Variants in DOCK6 observed in about 807,000 individuals in gnomAD.
DOCK6 encodes the protein dedicator of cytokinesis 6.
Under a neutral mutation model 230.3 loss-of-function variants are expected in DOCK6, and 167 were observed. The observed-to-expected ratio is 0.73, with a 90% CI of 0.64 to 0.82. DOCK6 has a LOEUF of 0.82. Ranked by LOEUF, DOCK6 falls within the 40% of genes least tolerant of loss-of-function variation. DOCK6 has a pLI of 0.00. For missense variants in DOCK6, 2,598 were observed against 2,825.8 expected, an observed-to-expected ratio of 0.92 and a Z score of 1.83; for synonymous variants, 1,148 against 1,185.0, an observed-to-expected ratio of 0.97 and a Z score of 0.64.
Position 11,236,438 on chromosome 19 carries a change from G to A in DOCK6, c.2300C>T (p.Ala767Val). The change falls in exon 20 of 48, where the codon GCC (alanine) becomes GTC (valine). Residue 767 changes from alanine (A) to valine (V), a missense_variant. Coordinates refer to ENST00000294618, the MANE Select transcript of DOCK6 (RefSeq NM_020812.4). This position sits in a 1 kb window ranked among gnomAD's most constrained non-coding sequence, Gnocchi z 5.2. ...LRASLAALRL[A>V]SPEPLVAFSH... Reference sequence around the variant, plus strand: ...GAAGGCCACAAGGGGTTCGGGGCTGGCCAGGCGCAGTGCTGCAAGACTGGC... The same window carrying A: ...GAAGGCCACAAGGGGTTCGGGGCTGACCAGGCGCAGTGCTGCAAGACTGGC... 3 of 1,589,678 alleles carry A rather than the reference G, an allele frequency of 1.9e-6. No individual in the cohort carries two copies. Among genetic ancestry groups the A allele is most frequent in the South Asian group, 2.3e-5 (2 of 87,040 alleles).
intron 5 of DOCK6, chr19:11,251,636 C>T (rs2080118969): frequency 1.3e-5 from 2 of 153,556 alleles, no homozygotes. Flanking sequence ...GGGAGGATCG[C>T]TTGAATCCGG....
At chr19:11,216,092 T>A (rs2079482465) in intron 30 of DOCK6, 165 bp from the exon 31 acceptor site, 11 of 773,898 alleles carry the variant, frequency 1.4e-5, no homozygotes, top group African/African-American at 5.7e-5. Context: ...AAAAAAAAAT[T>A]TTTTTTTTTT....
At position 11,216,950 on chromosome 19, in the gene DOCK6, A is replaced by G. The variant is rs4804152; in HGVS notation, c.3858T>C (p.Asp1286=). ...LTLPQLGRLL[D]LLYLCLAAFE... ...AGGCAGCTAGGCAAAGGTACAGCAA[A>G]TCCAACAGACGTCCCAGCTGGGGGA... Residue 1286 remains aspartate, a synonymous_variant, in exon 30 of 48, where the codon GAT becomes GAC. Coordinates refer to ENST00000294618, the MANE Select transcript of DOCK6 (RefSeq NM_020812.4). 1,071,040 of 1,612,690 alleles carry G rather than the reference A, an allele frequency of 0.66. 357,481 individuals are homozygous for G. The highest frequency in any genetic ancestry group is 0.68 in the Non-Finnish European group (807,571 of 1,179,366).
At chr19:11,235,219 G>A (rs2079827220) in intron 21 of DOCK6, among the ~76,000 whole-genome samples, 1 of 152,182 alleles carries the variant, frequency 6.6e-6, no homozygotes, top group South Asian at 2.1e-4. Flanking sequence ...GGGTTCAAAT[G>A]ATTCAGCCTC....
intron 37 of DOCK6, among the ~76,000 whole-genome samples, chr19:11,209,741 C>T (rs1316669399): frequency 1.3e-5 from 1 of 78,988 alleles, no homozygotes; most frequent in Non-Finnish European, 2.9e-5. Context: ...CTCACCTGTC[C>T]ACCCCCTCAC....
At chr19:11,212,344 C>T (rs1216297975) in intron 35 of DOCK6, among the ~76,000 whole-genome samples, 193 bp from the exon 36 acceptor site, 2 of 152,040 alleles carry the variant, frequency 1.3e-5, no homozygotes, top group Admixed American at 6.6e-5. Context: ...CGAGTTCAGG[C>T]AATTCTCCTG....
At position 11,221,891 on chromosome 19, in the gene DOCK6, C is replaced by T. The variant is rs373837733; in HGVS notation, c.3510G>A (p.Ser1170=). The change falls in exon 28 of 48, where the codon TCG becomes TCA. Residue 1170 remains serine (S), a synonymous_variant. Transcript: ENST00000294618. ...GCCGTGGCAAGGTATCCCGTGCAATCGATAGCAGTGGCAGGTACAGCTCGG... is the reference window on the plus strand; with the variant it reads ...GCCGTGGCAAGGTATCCCGTGCAATTGATAGCAGTGGCAGGTACAGCTCGG... ...RVAELYLPLL[S]IARDTLPRLH... is the part of the protein sequence containing the mutation. The T allele has an allele frequency of 2.3e-5, 37 of 1,613,654 alleles. No homozygotes were observed. Among genetic ancestry groups the T allele is most frequent in the East Asian group, 2.0e-4 (9 of 44,904 alleles).
chr19:11,233,587 A>G (rs2079802802), intron 21 of DOCK6, among the ~76,000 whole-genome samples: 1 of 152,094 alleles, frequency 6.6e-6, no homozygotes, highest in African/African-American at 2.4e-5. Context: ...TAATCCCAGC[A>G]CTTTGGGAGG....
chr19:11,239,943 C>G (rs781259374), intron 14 of DOCK6: 1 of 1,574,144 alleles, frequency 6.4e-7, no homozygotes, highest in Non-Finnish European at 8.6e-7. Flanking sequence ...AGGTGGGCAC[C>G]GTAGCTGCGA....
chr19:11,248,029 C>T, intron 7 of DOCK6, 37 bp downstream of exon 7: 1 of 1,576,258 alleles, frequency 6.3e-7, no homozygotes, highest in Non-Finnish European at 8.7e-7. Context: ...GTGGTTGCTT[C>T]ACGCATCTAA....
Position 11,222,373 on chromosome 19 carries a change from T to C in DOCK6, c.3241-125A>G, listed in dbSNP as rs2079594581. 2 of 1,328,170 alleles carry C rather than the reference T, an allele frequency of 1.5e-6. No homozygotes were observed. The allele number at this position is 1,328,170 out of a possible 1,614,324, so 82.3% of individuals were successfully genotyped here. A position where few individuals can be genotyped will look rare whatever the true frequency, so the allele number is the denominator to read the frequency against. ...AATAGCCACAGATGAAAGACTGATG[T>C]TAAGTCATCTGGAGGTGACAGTGGG... On this transcript the variant is annotated intron_variant, in intron 26 of 47. Coordinates refer to ENST00000294618, the MANE Select transcript of DOCK6 (RefSeq NM_020812.4). The surrounding 1 kb of genome is among the most constrained non-coding windows in gnomAD (Gnocchi z 4.0).
intron 28 of DOCK6, among the ~76,000 whole-genome samples, chr19:11,218,165 T>C (rs2079524441): frequency 6.6e-6 from 1 of 151,956 alleles, no homozygotes; most frequent in South Asian, 2.1e-4. Context: ...TATTTTTTTT[T>C]GGATACAGTC....
chr19:11,253,552 G>T (rs2080153984), intron 2 of DOCK6, 87 bp downstream of exon 2: 1 of 868,394 alleles, frequency 1.2e-6, no homozygotes, highest in African/African-American at 1.8e-5. Context: ...CAGGAGGGAG[G>T]GGGTGGGATA....
chr19:11,210,135 C>G (rs2079351085), intron 37 of DOCK6, among the ~76,000 whole-genome samples: 1 of 147,932 alleles, frequency 6.8e-6, no homozygotes, highest in South Asian at 2.2e-4. Context: ...CCTTACCTGT[C>G]CACTCTCTCA....
intron 21 of DOCK6, among the ~76,000 whole-genome samples, chr19:11,234,809 C>T (rs192084694): frequency 6.6e-6 from 1 of 152,260 alleles, no homozygotes; most frequent in Admixed American, 6.5e-5. Flanking sequence ...AAGCCACACC[C>T]CAGGGATGGG....
rs1009380423 is a variant in DOCK6, at chr19:11,202,931, G to A, written c.5236-222C>T. Among the ~76,000 whole-genome samples the A allele has an allele frequency of 6.6e-6, 1 of 152,166 alleles. No individual in the cohort carries two copies. The highest frequency in any genetic ancestry group is 6.5e-5 in the Admixed American group (1 of 15,282). On this transcript the variant is annotated intron_variant, in intron 41 of 47. Transcript: ENST00000294618. The surrounding 1 kb of genome is among the most constrained non-coding windows in gnomAD (Gnocchi z 5.3). Reference sequence around the variant, plus strand: ...ACGGGTGTGTCCCTAATGCCCGTGGGACAGGGTATACAGCAGGTACCCAAT... The same window carrying A: ...ACGGGTGTGTCCCTAATGCCCGTGGAACAGGGTATACAGCAGGTACCCAAT...
intron 39 of DOCK6, among the ~76,000 whole-genome samples, chr19:11,207,376 T>A (rs113299960): frequency 3.9e-5 from 6 of 151,956 alleles, no homozygotes; most frequent in African/African-American, 1.4e-4. Context: ...TTGTATTTTT[T>A]TGTAGAGACA....
chr19:11,222,222 C>G lies in DOCK6; in HGVS notation c.3267G>C (p.Pro1089=). The G allele has an allele frequency of 6.2e-7, 1 of 1,603,208 alleles. No individual in the cohort carries two copies. The highest frequency in any genetic ancestry group is 8.5e-7 in the Non-Finnish European group (1 of 1,175,112). The change falls in exon 27 of 48, where the codon CCG becomes CCC. Residue 1089 remains proline, a synonymous_variant. Coordinates refer to ENST00000294618, the MANE Select transcript of DOCK6 (RefSeq NM_020812.4). This position sits in a 1 kb window ranked among gnomAD's most constrained non-coding sequence, Gnocchi z 4.0. ...SQSSTFSSQA[P]DPKVTSMFEL... ...CGAACATGCTGGTCACCTTGGGGTC[C>G]GGGGCTTGGCTGGAGAAGGTGGAGC... is the stretch of plus-strand genomic sequence containing the variant.
Position 11,236,354 on chromosome 19 carries a change from C to T in DOCK6, c.2384G>A (p.Gly795Asp), listed in dbSNP as rs866412863. 10 of 1,556,270 alleles carry T rather than the reference C, an allele frequency of 6.4e-6. No individual in the cohort carries two copies. The East Asian group carries it at 7.2e-5, about 11-fold the overall frequency. ...RLVIRPPIISGQIVNLGRGAF... is the reference protein window; with the variant it reads ...RLVIRPPIISDQIVNLGRGAF... ...AGGCCACATTCGCTTACCAATCTGG[C>T]CACTGATGATCGGGGGCCTGATGAC... Residue 795 changes from glycine (G) to aspartate (D), a missense_variant, in exon 20 of 48, where the codon GGC becomes GAC. Physicochemically the swap from Gly to Asp is moderately conservative, Grantham distance 94 (BLOSUM62 -1). Coordinates refer to ENST00000294618, the MANE Select transcript of DOCK6 (RefSeq NM_020812.4). The surrounding 1 kb of genome is among the most constrained non-coding windows in gnomAD (Gnocchi z 5.2).
Sources: gnomAD v4.1 joint callset for allele counts (sites outside exome capture counted in the v4.1 genomes callset) on GRCh38, gnomAD v4.1.1 for gene constraint, Gnocchi (gnomAD v3.1) non-coding constraint, MANE v1.5 for transcripts, NCBI Gene and HGNC (gene_info 2026-07-23, HGNC 2026-07-21) for gene names.